The following CAPN11 variants were observed in gnomAD, a reference collection of about 807,000 sequenced individuals.
The protein encoded by CAPN11 is calpain 11.
Under a neutral mutation model 105.3 loss-of-function variants are expected in CAPN11, and 108 were observed. The ratio of observed to expected loss-of-function variants is 1.03; its 90% CI spans 0.88 to 1.20. The LOEUF (loss-of-function observed/expected upper bound fraction) is 1.20. Ranked by LOEUF, CAPN11 falls within the 50% of genes most tolerant of loss-of-function variation. The pLI is 0.00. For synonymous variants in CAPN11, 329 were observed against 344.5 expected, an observed-to-expected ratio of 0.96 and a Z score of 0.50; for missense variants, 883 against 924.8, an observed-to-expected ratio of 0.95 and a Z score of 0.59.
intron 1 of CAPN11, among the ~76,000 whole-genome samples, chr6:44,159,647 G>C (rs919867728): frequency 1.3e-5 from 2 of 152,064 alleles, no homozygotes; most frequent in African/African-American, 4.8e-5. Context: ...CTGAGCCCAG[G>C]AGTTCAAGAC....
intron 14 of CAPN11, 49 bp downstream of exon 14, chr6:44,180,212 A>T (rs768378898): frequency 1.6e-5 from 22 of 1,364,518 alleles, no homozygotes; most frequent in Non-Finnish European, 2.3e-5. Flanking sequence ...CAAGAGCTGC[A>T]GGATATCAAG....
At position 44,172,419 on chromosome 6, in the gene CAPN11, A is replaced by G. The variant is rs1344375700; in HGVS notation, c.527A>G (p.Gln176Arg). The G allele has an allele frequency of 2.6e-6, 4 of 1,541,070 alleles. No individual in the cohort carries two copies. Among genetic ancestry groups the G allele is most frequent in the Non-Finnish European group, 3.5e-6 (4 of 1,137,186 alleles). The change falls in exon 5 of 23, where the codon CAG becomes CGG. Residue 176 changes from glutamine (Q) to arginine (R), a missense_variant and splice_region_variant. Physicochemically the swap from Gln to Arg is conservative, Grantham distance 43. Transcript: ENST00000398776. ...KKNYAGIFHF[Q>R]IWQFGQWVNV... ...AACTATGCTGGCATCTTCCATTTTC[A>G]GGTGAAGGACAGTGTGAGAGCCACT...
intron 17 of CAPN11, 36 bp from the exon 18 acceptor site, chr6:44,180,897 C>T (rs1157916797): frequency 6.2e-7 from 1 of 1,609,498 alleles, no homozygotes; most frequent in East Asian, 2.2e-5. Context: ...CCTCATTTAC[C>T]CTGTCTCTCC....
intron 7 of CAPN11, among the ~76,000 whole-genome samples, chr6:44,175,752 C>CAA (rs1268331634): frequency 6.6e-6 from 1 of 151,128 alleles, no homozygotes; most frequent in African/African-American, 2.4e-5. Flanking sequence ...ACTCCAAGAG[C>CAA]AACAAGAGCA....
intron 19 of CAPN11, 114 bp downstream of exon 19, chr6:44,181,434 C>CACACTCACACACACACACACTCACATACA: frequency 3.8e-6 from 2 of 526,490 alleles, no homozygotes; most frequent in Admixed American, 3.1e-5. Flanking sequence ...ACACACACAC[C>CACACTCACACACACACACACTCACATACA]CAACCACACC....
At chr6:44,176,807 G>C in intron 10 of CAPN11, 31 bp from the exon 11 acceptor site, 1 of 1,612,044 alleles carries the variant, frequency 6.2e-7, no homozygotes, top group African/African-American at 1.3e-5. Context: ...CAAGTGTGCT[G>C]CTGACGGGCT....
chr6:44,179,437 G>C (rs1381809311), intron 12 of CAPN11, among the ~76,000 whole-genome samples, 182 bp from the exon 13 acceptor site: 1 of 151,690 alleles, frequency 6.6e-6, no homozygotes, highest in Non-Finnish European at 1.5e-5. Context: ...GATTGTTAAT[G>C]CCAGGACCTT....
In CAPN11 at chr6:44,179,630, G is replaced by A. The variant is rs774386096; in HGVS notation, c.1428G>A (p.Glu476=). The part of the protein sequence containing the change: ...IGFVLYAVPK[E]FQNIQDVHLK... The stretch of plus-strand genomic sequence containing the variant: ...TCTTCCCTTCCCAGGTCCCAAAAGA[G>A]GTACAGAAGATAAAGATGTGGGGCT... Residue 476 remains glutamate, a splice_region_variant and synonymous_variant, in exon 13 of 23, where the codon GAG becomes GAA. Coordinates refer to ENST00000398776, the MANE Select transcript of CAPN11 (RefSeq NM_007058.4). 4.3e-6 allele frequency: 7 copies of A among 1,613,332 alleles called. 1 individual carries two copies. The South Asian group carries it at 7.7e-5, about 18-fold the overall frequency.
Position 44,173,364 on chromosome 6 carries a change from C to T in CAPN11, c.809C>T (p.Ser270Phe). 6.2e-7 allele frequency: 1 copy of T among 1,611,774 alleles called. No individual in the cohort carries two copies. Among genetic ancestry groups the T allele is most frequent in the East Asian group, 2.2e-5 (1 of 44,854 alleles). Residue 270 changes from serine (S) to phenylalanine (F), a missense_variant, in exon 7 of 23, where the codon TCC (serine) becomes TTC (phenylalanine). Transcript: ENST00000398776. ...RLLRKAVERS[S>F]LMGCSIEVTS... ...CTTAGGAAGGCCGTGGAGCGATCCT[C>T]CCTCATGGGTTGCTCCATTGAAGTA...
chr6:44,162,012 C>T, intron 1 of CAPN11: 2 of 414,084 alleles, frequency 4.8e-6, no homozygotes, highest in South Asian at 1.7e-5. Flanking sequence ...CGCCCAGCAG[C>T]ATCCCTGGCC....
intron 1 of CAPN11, among the ~76,000 whole-genome samples, chr6:44,165,563 T>C (rs1769673718): frequency 6.6e-6 from 1 of 152,092 alleles, no homozygotes; most frequent in South Asian, 2.1e-4. Context: ...GCAAGGGACA[T>C]AGTGACAGGG....
rs746266400 is a variant in CAPN11, at chr6:44,176,352, A to G, written c.1001+14A>G. The G allele has an allele frequency of 1.9e-5, 31 of 1,609,306 alleles. No homozygotes were observed. In the Middle Eastern group the frequency reaches 1.5e-3, roughly 77 times the overall value. On this transcript the variant is annotated intron_variant, in intron 9 of 22. Coordinates refer to ENST00000398776, the MANE Select transcript of CAPN11 (RefSeq NM_007058.4). ...TTGGAGTGACAGGTAGGTGTCCCCA[A>G]CCCAGGTGAGGGGTGGTCGGAGGAT...
chr6:44,180,084 A>G lies in CAPN11; in HGVS notation c.1561A>G (p.Ile521Val), dbSNP rs34710081. 359,466 of 1,611,316 alleles carry G rather than the reference A, an allele frequency of 0.22. 41,265 individuals carry two copies. The highest frequency in any genetic ancestry group is 0.31 in the Admixed American group (18,770 of 59,966). The change falls in exon 14 of 23, where the codon ATT (isoleucine) becomes GTT (valine). Residue 521 changes from isoleucine (I) to valine (V), a missense_variant. Coordinates refer to ENST00000398776, the MANE Select transcript of CAPN11 (RefSeq NM_007058.4). ...QLRLPPGEYI[I>V]IPSTFEPHRD... The stretch of plus-strand genomic sequence containing the variant: ...CCGGCTGCCTCCGGGGGAATATATC[A>G]TTATTCCCTCCACCTTTGAGCCACA...
intron 2 of CAPN11, among the ~76,000 whole-genome samples, chr6:44,168,718 C>G (rs1770433404): frequency 6.6e-6 from 1 of 152,088 alleles, no homozygotes; most frequent in African/African-American, 2.4e-5. Context: ...CTCCTGGGTT[C>G]AAGCGATTCT....
chr6:44,161,775 C>T (rs1204740716), intron 1 of CAPN11: 2 of 456,084 alleles, frequency 4.4e-6, no homozygotes, highest in African/African-American at 4.0e-5. Flanking sequence ...ACAGCATCTT[C>T]CCTGGTCCTT....
chr6:44,174,331 A>C (rs1771556261), intron 7 of CAPN11, among the ~76,000 whole-genome samples: 1 of 152,160 alleles, frequency 6.6e-6, no homozygotes, highest in Non-Finnish European at 1.5e-5. Context: ...AGAACAAACT[A>C]TTGATACTCA....
At chr6:44,161,799 A>G (rs1413777377) in intron 1 of CAPN11, 3 of 456,166 alleles carry the variant, frequency 6.6e-6, no homozygotes, top group South Asian at 3.1e-5. Flanking sequence ...GGCCCCCAGG[A>G]GAGCTCAACA....
At chr6:44,164,147 G>A (rs1769402194) in intron 1 of CAPN11, among the ~76,000 whole-genome samples, 1 of 152,258 alleles carries the variant, frequency 6.6e-6, no homozygotes, top group South Asian at 2.1e-4. Context: ...ACTGCAGCCT[G>A]GGGAACAGGG....
At chr6:44,172,839 G>A (rs879104924) in intron 5 of CAPN11, 101 bp from the exon 6 acceptor site, 1 of 1,331,680 alleles carries the variant, frequency 7.5e-7, no homozygotes, top group East Asian at 2.5e-5. Context: ...AGTGATTCTG[G>A]AGAGTGGAGC....
Sources: allele counts gnomAD v4.1 joint callset (sites outside exome capture counted in the v4.1 genomes callset), GRCh38; gene constraint gnomAD v4.1.1; transcripts MANE v1.5; gene names NCBI Gene and HGNC (gene_info 2026-07-23, HGNC 2026-07-21).